Variants in HEATR5A observed in about 807,000 individuals in gnomAD.
HEATR5A encodes the protein HEAT repeat containing 5A, also known as HEAT repeat-containing protein 5A.
In HEATR5A, 178 loss-of-function variants were observed where a neutral mutation model predicts 218.8. The ratio of observed to expected loss-of-function variants is 0.81; its 90% CI spans 0.72 to 0.92. HEATR5A has a LOEUF of 0.92. HEATR5A is among the 40% of genes least tolerant of loss of function. HEATR5A has a pLI of 0.00. For missense variants in HEATR5A, 2,420 were observed against 2,418.9 expected, an observed-to-expected ratio of 1.00 and a Z score of -0.01; for synonymous variants, 864 against 871.6, an observed-to-expected ratio of 0.99 and a Z score of 0.15.
chr14:31,380,823 CAT>C (rs1170768908), intron 10 of HEATR5A, among the ~76,000 whole-genome samples: 3 of 152,174 alleles, frequency 2.0e-5, no homozygotes, highest in African/African-American at 4.8e-5. Flanking sequence ...TTGTAGAACA[CAT>C]GTGACAACAA....
intron 13 of HEATR5A, among the ~76,000 whole-genome samples, chr14:31,366,493 G>C (rs1356103747): frequency 2.0e-5 from 3 of 152,242 alleles, no homozygotes; most frequent in Admixed American, 1.3e-4. Flanking sequence ...GTTCAGAGAA[G>C]TGTATGTACA....
intron 6 of HEATR5A, 145 bp from the exon 7 acceptor site, chr14:31,389,150 T>G: frequency 1.4e-6 from 1 of 712,480 alleles, no homozygotes. Context: ...GTCTACACAG[T>G]AACACACAAA....
intron 9 of HEATR5A, among the ~76,000 whole-genome samples, chr14:31,385,495 AT>A (rs760862737): frequency 2.6e-5 from 4 of 151,578 alleles, no homozygotes; most frequent in Admixed American, 1.3e-4. Flanking sequence ...ATATTGAATG[AT>A]TTTTTTTTAA....
Position 31,371,800 on chromosome 14 carries a change from C to T in HEATR5A, c.1961+10G>A, listed in dbSNP as rs1217151217. On this transcript the variant is annotated intron_variant, in intron 13 of 35. Transcript: ENST00000543095. The stretch of plus-strand genomic sequence containing the variant: ...AGGGCAACTATCAAATCTAAACAGT[C>T]GATGCTTACTGAGTTAGCAAATCCA... 13 of 1,389,076 alleles carry T rather than the reference C, an allele frequency of 9.4e-6. No homozygotes were observed. Among genetic ancestry groups the T allele is most frequent in the Admixed American group, 6.8e-5 (3 of 43,884 alleles). The allele number at this position is 1,389,076 out of a possible 1,614,324, so 86.0% of individuals were successfully genotyped here.
chr14:31,413,385 C>CT (rs533855913), intron 1 of HEATR5A, among the ~76,000 whole-genome samples: 3,423 of 127,900 alleles, frequency 0.027, 44 homozygotes, highest in Middle Eastern at 0.071. Context: ...ACTCTGCCTT[C>CT]TTTTTTTTTT....
At chr14:31,321,756 C>A in intron 24 of HEATR5A, 76 bp from the exon 25 acceptor site, 1 of 1,122,338 alleles carries the variant, frequency 8.9e-7, no homozygotes, top group African/African-American at 1.6e-5. Flanking sequence ...CTAAGACTTA[C>A]ATTAAGTGAT....
intron 21 of HEATR5A, among the ~76,000 whole-genome samples, chr14:31,341,742 T>C (rs1488696158): frequency 8.5e-5 from 13 of 152,136 alleles, no homozygotes; most frequent in Non-Finnish European, 1.5e-4. Context: ...ATTCTTGTTC[T>C]TCATTTCTCA....
At position 31,328,812 on chromosome 14, in the gene HEATR5A, G is replaced by A. The variant is rs142765453; in HGVS notation, c.3368-2470C>T. 3.6e-3 allele frequency among the ~76,000 whole-genome samples: 553 copies of A among 151,936 alleles called. 7 individuals are homozygous for A. The highest frequency in any genetic ancestry group is 0.013 in the African/African-American group (521 of 41,426). On this transcript the variant is annotated intron_variant, in intron 22 of 35. Transcript: ENST00000543095. ...GGAGAATCGCTTGAACCCAGGAGGC[G>A]GAGCTTGCAGTAGGCCAAGGTTGCA...
chr14:31,419,749 A>T (rs1354475619), intron 1 of HEATR5A, among the ~76,000 whole-genome samples: 3 of 152,240 alleles, frequency 2.0e-5, no homozygotes, highest in African/African-American at 7.2e-5. Flanking sequence ...AACACTATAA[A>T]ACGCTTTATA....
Position 31,347,697 on chromosome 14 carries a change from C to A in HEATR5A, c.2868+51G>T, listed in dbSNP as rs117365792. 7.4e-6 allele frequency: 10 copies of A among 1,343,222 alleles called. No individual in the cohort carries two copies. In the African/African-American group the frequency reaches 1.2e-4, roughly 16 times the overall value. The allele number at this position is 1,343,222 out of a possible 1,614,324, so 83.2% of individuals were successfully genotyped here. On this transcript the variant is annotated intron_variant, in intron 19 of 35. Coordinates refer to ENST00000543095, the MANE Select transcript of HEATR5A (RefSeq NM_015473.4). Reference sequence around the variant, plus strand: ...TAATGTTCAATATAAACACAATCTGCATCATCTAAAAATCATGAATTTCAA... The same window carrying A: ...TAATGTTCAATATAAACACAATCTGAATCATCTAAAAATCATGAATTTCAA...
chr14:31,411,321 A>T (rs1359363286), intron 1 of HEATR5A, among the ~76,000 whole-genome samples: 7 of 15,134 alleles, frequency 4.6e-4, no homozygotes, highest in African/African-American at 8.3e-4. Flanking sequence ...GTCCAACACA[A>T]GAGAAATGGT....
At chr14:31,324,431 C>T (rs1900200839) in intron 23 of HEATR5A, among the ~76,000 whole-genome samples, 1 of 152,132 alleles carries the variant, frequency 6.6e-6, no homozygotes, top group Admixed American at 6.6e-5. Context: ...AACCAAACTG[C>T]TTTTCTTATA....
intron 28 of HEATR5A, among the ~76,000 whole-genome samples, chr14:31,310,437 C>T (rs151159439): frequency 0.021 from 3,175 of 152,248 alleles, 30 homozygotes; most frequent in Non-Finnish European, 0.032. Flanking sequence ...GTCAGGAACT[C>T]GAGACCAGCC....
chr14:31,405,628 T>C (rs956896261), intron 1 of HEATR5A, among the ~76,000 whole-genome samples: 1 of 152,122 alleles, frequency 6.6e-6, no homozygotes, highest in East Asian at 1.9e-4. Context: ...CCCTACTAAA[T>C]ACAGAAAAGG....
intron 6 of HEATR5A, among the ~76,000 whole-genome samples, chr14:31,390,770 A>G (rs2030421031): frequency 6.6e-6 from 1 of 152,146 alleles, no homozygotes; most frequent in South Asian, 2.1e-4. Flanking sequence ...TATGTAAAGT[A>G]CATAATACTT....
At chr14:31,325,003 C>T (rs1282533725) in intron 23 of HEATR5A, among the ~76,000 whole-genome samples, 1 of 152,114 alleles carries the variant, frequency 6.6e-6, no homozygotes, top group East Asian at 1.9e-4. Flanking sequence ...AATTCTAAGG[C>T]TTGGGCAACT....
intron 6 of HEATR5A, among the ~76,000 whole-genome samples, chr14:31,393,820 T>C (rs1326706326): frequency 6.6e-6 from 1 of 152,182 alleles, no homozygotes; most frequent in Non-Finnish European, 1.5e-5. Flanking sequence ...AGCTAATTTT[T>C]GTATTTTTAG....
At chr14:31,305,617 G>C (rs1342375584) in intron 31 of HEATR5A, among the ~76,000 whole-genome samples, 3 of 152,164 alleles carry the variant, frequency 2.0e-5, no homozygotes, top group Non-Finnish European at 4.4e-5. Context: ...GGAGAAAGAA[G>C]TTATGAAGGT....
At chr14:31,379,604 T>C (rs2029901215) in intron 11 of HEATR5A, among the ~76,000 whole-genome samples, 1 of 152,160 alleles carries the variant, frequency 6.6e-6, no homozygotes, top group Non-Finnish European at 1.5e-5. Context: ...AGACTTAAAA[T>C]ATAGGTGTGA....
Sources: allele counts gnomAD v4.1 joint callset (sites outside exome capture counted in the v4.1 genomes callset), GRCh38; gene constraint gnomAD v4.1.1; transcripts MANE v1.5; gene names NCBI Gene and HGNC (gene_info 2026-07-23, HGNC 2026-07-21).